The following HEPHL1 variants were observed in gnomAD, a reference collection of about 807,000 sequenced individuals.
HEPHL1 encodes the protein ferroxidase HEPHL1.
Under a neutral mutation model 122.0 loss-of-function variants are expected in HEPHL1, and 123 were observed. That is an observed-to-expected ratio of 1.01 (90% CI 0.87 to 1.17). The LOEUF (loss-of-function observed/expected upper bound fraction) is 1.17, where lower values mean the gene tolerates loss of function less well. HEPHL1 is among the 50% of genes most tolerant of loss of function. HEPHL1 has a pLI of 0.00. For missense variants in HEPHL1, 1,452 were observed against 1,430.5 expected (o/e 1.01, Z -0.24); for synonymous variants, 527 against 508.9 (o/e 1.04, Z -0.48).
chr11:94,073,090 A>T lies in HEPHL1; in HGVS notation c.1298A>T (p.Tyr433Phe). Residue 433 changes from tyrosine (Y) to phenylalanine (F), a missense_variant, in exon 7 of 20, where the codon TAT (tyrosine) becomes TTT (phenylalanine). Coordinates refer to ENST00000315765, the MANE Select transcript of HEPHL1 (RefSeq NM_001098672.2). Reference protein sequence around the residue: ...RIGGKYWKVRYTEFVDATFTK... With the variant: ...RIGGKYWKVRFTEFVDATFTK... Reference sequence around the variant, plus strand: ...GGAGGAAAATACTGGAAGGTTCGGTATACTGAATTTGTTGATGCAACTTTT... The same window carrying T: ...GGAGGAAAATACTGGAAGGTTCGGTTTACTGAATTTGTTGATGCAACTTTT... 6.2e-7 allele frequency: 1 copy of T among 1,613,064 alleles called. No individual in the cohort carries two copies. The highest frequency in any genetic ancestry group is 1.3e-5 in the African/African-American group (1 of 75,000).
At chr11:94,025,156 C>A (rs1335016689) in intron 1 of HEPHL1, among the ~76,000 whole-genome samples, 1 of 152,126 alleles carries the variant, frequency 6.6e-6, no homozygotes, top group Non-Finnish European at 1.5e-5. Context: ...TGCTTGGTAC[C>A]TATGCTTGAT....
chr11:94,061,814 A>C (rs886083933), intron 2 of HEPHL1, among the ~76,000 whole-genome samples: 13 of 152,188 alleles, frequency 8.5e-5, no homozygotes, highest in Non-Finnish European at 1.8e-4. Context: ...ATAATTCATT[A>C]CATTACTGAA....
chr11:94,030,082 A>G (rs1035541891), intron 1 of HEPHL1, among the ~76,000 whole-genome samples: 4 of 152,202 alleles, frequency 2.6e-5, no homozygotes, highest in African/African-American at 9.7e-5. Flanking sequence ...TCCAATGTCC[A>G]TCCTTCCCTA....
In HEPHL1 at chr11:94,067,563, G is replaced by A; in HGVS notation, c.876G>A (p.Trp292Ter). 1 of 1,613,532 alleles carries A rather than the reference G, an allele frequency of 6.2e-7. No homozygotes were observed. The highest frequency in any genetic ancestry group is 8.5e-7 in the Non-Finnish European group (1 of 1,179,572). ...PDMCVGESVS[W>*]HLFGMGNEID... ...TGTGTGTTGGAGAATCTGTGTCCTGGCACCTATTTGGAATGGGGAATGAAA... is the reference window on the plus strand; with the variant it reads ...TGTGTGTTGGAGAATCTGTGTCCTGACACCTATTTGGAATGGGGAATGAAA... Residue 292 changes from tryptophan (W) to a stop codon, truncating the protein, a stop_gained, in exon 5 of 20, where the codon TGG becomes TGA. Transcript: ENST00000315765. LOFTEE classifies it high-confidence loss of function.
intron 9 of HEPHL1, among the ~76,000 whole-genome samples, chr11:94,080,603 AG>A (rs1424647664): frequency 2.6e-4 from 39 of 152,290 alleles, no homozygotes; most frequent in East Asian, 1.5e-3. Context: ...ATTTAAAAGA[AG>A]AAAAACTCAT....
At chr11:94,029,848 TG>T (rs1945657823) in intron 1 of HEPHL1, among the ~76,000 whole-genome samples, 1 of 152,224 alleles carries the variant, frequency 6.6e-6, no homozygotes, top group Non-Finnish European at 1.5e-5. Flanking sequence ...ATACTTATTT[TG>T]CCTCTTATTT....
chr11:94,034,452 G>C (rs1945703309), intron 1 of HEPHL1, among the ~76,000 whole-genome samples: 1 of 152,172 alleles, frequency 6.6e-6, no homozygotes, highest in Admixed American at 6.5e-5. Context: ...TCATCTCTTT[G>C]AGGAAATGAA....
At chr11:94,031,331 TAC>T (rs3058474) in intron 1 of HEPHL1, among the ~76,000 whole-genome samples, 29,904 of 144,340 alleles carry the variant, frequency 0.21, 3,033 homozygotes, top group Admixed American at 0.28. Context: ...TGTGCATTGT[TAC>T]ACACACACAC....
chr11:94,103,260 A>AT (rs5793671), intron 15 of HEPHL1, among the ~76,000 whole-genome samples: 17 of 58,746 alleles, frequency 2.9e-4, no homozygotes, highest in Admixed American at 9.3e-4. Flanking sequence ...CTATCTGGTG[A>AT]TTTTTTTTTT....
chr11:94,079,114 C>T (rs1484287176), intron 9 of HEPHL1, among the ~76,000 whole-genome samples: 1 of 152,170 alleles, frequency 6.6e-6, no homozygotes, highest in Non-Finnish European at 1.5e-5. Context: ...ATAATAACAG[C>T]ACTGAGTGCT....
chr11:94,068,469 C>A (rs1946051836), intron 5 of HEPHL1, among the ~76,000 whole-genome samples: 1 of 152,124 alleles, frequency 6.6e-6, no homozygotes, highest in Admixed American at 6.6e-5. Context: ...CATTTGTTGG[C>A]TTAAATGCCT....
chr11:94,094,946 A>G (rs977286420), intron 13 of HEPHL1, among the ~76,000 whole-genome samples: 4 of 152,116 alleles, frequency 2.6e-5, no homozygotes, highest in Non-Finnish European at 4.4e-5. Context: ...TCTGTAGATT[A>G]CCTGTTCACT....
chr11:94,038,201 C>T (rs1945743272), intron 1 of HEPHL1, among the ~76,000 whole-genome samples: 1 of 151,030 alleles, frequency 6.6e-6, no homozygotes, highest in East Asian at 1.9e-4. Context: ...GCAAAGCCTC[C>T]AAGAAATATG....
chr11:94,096,074 G>C lies in HEPHL1; in HGVS notation c.2434+2434G>C, dbSNP rs528683524. Among the ~76,000 whole-genome samples, 3 of 152,330 alleles carry C rather than the reference G, an allele frequency of 2.0e-5. No individual in the cohort carries two copies. In the East Asian group the frequency reaches 5.8e-4, roughly 29 times the overall value. ...ACACTATGTTGAACAGAAGTGGTGA[G>C]AGAGGGCATCCCTGTCTTGTGCCAG... On this transcript the variant is annotated intron_variant, in intron 13 of 19. Coordinates refer to ENST00000315765, the MANE Select transcript of HEPHL1 (RefSeq NM_001098672.2).
chr11:94,088,115 T>A (rs1946232685), intron 11 of HEPHL1, among the ~76,000 whole-genome samples: 1 of 152,224 alleles, frequency 6.6e-6, no homozygotes, highest in Non-Finnish European at 1.5e-5. Context: ...AAAAATTACA[T>A]AATTTTTGAC....
At chr11:94,080,121 G>C (rs559064965) in intron 9 of HEPHL1, among the ~76,000 whole-genome samples, 1 of 152,168 alleles carries the variant, frequency 6.6e-6, no homozygotes, top group Non-Finnish European at 1.5e-5. Context: ...GAGCAAAATA[G>C]AGAACTCAGA....
rs1249104320 is a variant in HEPHL1, at chr11:94,028,692, T to A, written c.170+7154T>A. On this transcript the variant is annotated intron_variant, in intron 1 of 19. Coordinates refer to ENST00000315765, the MANE Select transcript of HEPHL1 (RefSeq NM_001098672.2). ...GAAAATGTTCTTGAGGAATAGTGAT[T>A]GCTCAGCCCCTCGCCATGGCTACGT... Among the ~76,000 whole-genome samples the A allele has an allele frequency of 2.0e-5, 3 of 152,210 alleles. No individual in the cohort carries two copies. In the East Asian group the frequency reaches 5.8e-4, roughly 29 times the overall value.
intron 18 of HEPHL1, 65 bp downstream of exon 18, chr11:94,111,130 A>C: frequency 7.1e-7 from 1 of 1,414,234 alleles, no homozygotes; most frequent in Non-Finnish European, 9.5e-7. Flanking sequence ...CCAAAACAGG[A>C]GGCATGACAA....
At position 94,111,030 on chromosome 11, in the gene HEPHL1, G is replaced by T; in HGVS notation, c.3173G>T (p.Gly1058Val). ...HCHVSDHIHA[G>V]METTYTVLRN... ...CATGTGTCTGACCACATCCATGCTG[G>T]CATGGAGACAACCTACACGGTCCTT... Residue 1058 changes from glycine to valine, a missense_variant, in exon 18 of 20, where the codon GGC becomes GTC. Physicochemically the swap from Gly to Val is moderately radical, Grantham distance 109. Transcript: ENST00000315765. 2 of 1,606,320 alleles carry T rather than the reference G, an allele frequency of 1.2e-6. No individual in the cohort carries two copies. The highest frequency in any genetic ancestry group is 1.1e-5 in the South Asian group (1 of 89,600).
Sources: allele counts gnomAD v4.1 joint callset (sites outside exome capture counted in the v4.1 genomes callset), GRCh38; gene constraint gnomAD v4.1.1; transcripts MANE v1.5; gene names NCBI Gene and HGNC (gene_info 2026-07-23, HGNC 2026-07-21).